Variants in KCNH7 observed in about 807,000 individuals in gnomAD.
KCNH7 encodes the protein voltage-gated inwardly rectifying potassium channel KCNH7.
KCNH7 carries 49 observed loss-of-function variants against 120.8 expected under a neutral mutation model. The observed-to-expected ratio is 0.41, with a 90% CI of 0.32 to 0.51. The LOEUF (loss-of-function observed/expected upper bound fraction) is 0.51, where lower values mean the gene tolerates loss of function less well. Ranked by LOEUF, KCNH7 falls within the 20% of genes least tolerant of loss-of-function variation. KCNH7 has a pLI of 0.38. For missense variants in KCNH7, 1,097 were observed against 1,446.6 expected (o/e 0.76, Z 3.92); for synonymous variants, 547 against 516.1 (o/e 1.06, Z -0.81).
intron 2 of KCNH7, among the ~76,000 whole-genome samples, chr2:162,594,591 T>A (rs1694314226): frequency 6.6e-6 from 1 of 152,012 alleles, no homozygotes; most frequent in South Asian, 2.1e-4. Flanking sequence ...ATCTGTTGGT[T>A]CCACATCCAT....
At chr2:162,501,536 C>A (rs973037977) in intron 6 of KCNH7, among the ~76,000 whole-genome samples, 8 of 152,046 alleles carry the variant, frequency 5.3e-5, no homozygotes, top group African/African-American at 1.9e-4. Flanking sequence ...AAATAAAATA[C>A]TCATCAACTG....
chr2:162,641,392 G>A (rs1324746692), intron 2 of KCNH7, among the ~76,000 whole-genome samples: 1 of 152,006 alleles, frequency 6.6e-6, no homozygotes, highest in Non-Finnish European at 1.5e-5. Flanking sequence ...ACTGAAAAAA[G>A]CCACTACTAA....
rs117455348 is a variant in KCNH7, at chr2:162,694,021, G to T, written c.307+142516C>A. On this transcript the variant is annotated intron_variant, in intron 2 of 15. Transcript: ENST00000332142. ...AGATTGATGAGATAGTGTTTTCAAA[G>T]TCCCTTAGAGAAAGGTATTATACCA... Among the ~76,000 whole-genome samples the T allele has an allele frequency of 8.9e-3, 1,356 of 152,176 alleles. 34 individuals carry two copies. The East Asian group carries it at 0.11, about 13-fold the overall frequency.
intron 2 of KCNH7, among the ~76,000 whole-genome samples, chr2:162,754,070 T>C (rs1688704827): frequency 6.6e-6 from 1 of 152,172 alleles, no homozygotes; most frequent in Non-Finnish European, 1.5e-5. Flanking sequence ...AGTTTATTTA[T>C]CAAATGATGA....
intron 7 of KCNH7, 118 bp from the exon 8 acceptor site, chr2:162,435,715 C>G (rs1688211445): frequency 7.3e-6 from 7 of 960,724 alleles, no homozygotes; most frequent in Non-Finnish European, 1.0e-5. Context: ...GGATAACTGC[C>G]TATTTAAATT....
At chr2:162,744,275 A>G (rs968471089) in intron 2 of KCNH7, among the ~76,000 whole-genome samples, 4 of 152,240 alleles carry the variant, frequency 2.6e-5, no homozygotes, top group African/African-American at 4.8e-5. Context: ...CTCATTGTCA[A>G]GGAGAACTTG....
At chr2:162,603,225 T>A (rs2105956287) in intron 2 of KCNH7, among the ~76,000 whole-genome samples, 1 of 152,094 alleles carries the variant, frequency 6.6e-6, no homozygotes, top group South Asian at 2.1e-4. Flanking sequence ...GTATGCCAGA[T>A]TATAATTAGA....
At chr2:162,702,397 TATATC>T (rs1283258444) in intron 2 of KCNH7, among the ~76,000 whole-genome samples, 1 of 152,160 alleles carries the variant, frequency 6.6e-6, no homozygotes, top group African/African-American at 2.4e-5. Flanking sequence ...AAATAAAAGA[TATATC>T]ATAAGGTAGA....
intron 2 of KCNH7, among the ~76,000 whole-genome samples, chr2:162,792,883 G>C (rs1450761984): frequency 6.6e-6 from 1 of 150,512 alleles, no homozygotes; most frequent in African/African-American, 2.4e-5. Context: ...TTTGCTCTTA[G>C]TTGTCTAGTT....
At chr2:162,409,777 T>C (rs1036569947) in intron 9 of KCNH7, among the ~76,000 whole-genome samples, 3 of 151,980 alleles carry the variant, frequency 2.0e-5, no homozygotes, top group African/African-American at 7.2e-5. Flanking sequence ...AGCATTTCTA[T>C]ACACCGATAA....
intron 2 of KCNH7, among the ~76,000 whole-genome samples, chr2:162,578,082 G>A (rs941539022): frequency 3.9e-5 from 6 of 151,916 alleles, no homozygotes; most frequent in East Asian, 1.9e-4. Context: ...CAAGGACTAT[G>A]GAGACAAGCC....
At chr2:162,633,235 ATAT>A (rs1489914094) in intron 2 of KCNH7, among the ~76,000 whole-genome samples, 1 of 151,902 alleles carries the variant, frequency 6.6e-6, no homozygotes, top group Non-Finnish European at 1.5e-5. Flanking sequence ...TGTAAGGTAT[ATAT>A]TATTTCAAAT....
intron 9 of KCNH7, among the ~76,000 whole-genome samples, chr2:162,402,252 C>T (rs1290769487): frequency 2.7e-5 from 4 of 150,772 alleles, no homozygotes; most frequent in Non-Finnish European, 5.9e-5. Context: ...ATCAACTCAG[C>T]TTTTCACATG....
intron 2 of KCNH7, among the ~76,000 whole-genome samples, chr2:162,777,575 T>C (rs1309847816): frequency 6.6e-6 from 1 of 152,156 alleles, no homozygotes; most frequent in Non-Finnish European, 1.5e-5. Context: ...GCATCTCCTA[T>C]ATAAGCCAAG....
chr2:162,532,381 A>T (rs560944668), intron 3 of KCNH7, among the ~76,000 whole-genome samples: 1 of 152,022 alleles, frequency 6.6e-6, no homozygotes, highest in South Asian at 2.1e-4. Context: ...GTTCCTGGAG[A>T]GACAATAGAA....
At chr2:162,486,330 T>C (rs972902775) in intron 6 of KCNH7, among the ~76,000 whole-genome samples, 4 of 152,104 alleles carry the variant, frequency 2.6e-5, no homozygotes, top group Non-Finnish European at 4.4e-5. Context: ...TTAACTACAG[T>C]CCCTCCCAGC....
chr2:162,390,075 T>C (rs1309594996), intron 12 of KCNH7, among the ~76,000 whole-genome samples: 2 of 151,934 alleles, frequency 1.3e-5, no homozygotes, highest in East Asian at 1.9e-4. Flanking sequence ...GCTGTCCTCA[T>C]TGGATTATTC....
intron 7 of KCNH7, among the ~76,000 whole-genome samples, chr2:162,445,499 G>A (rs181853459): frequency 8.5e-5 from 13 of 152,220 alleles, no homozygotes; most frequent in African/African-American, 7.2e-5. Context: ...TACACTTCTC[G>A]TATTTTCTTA....
intron 2 of KCNH7, among the ~76,000 whole-genome samples, chr2:162,727,065 G>T (rs1004287800): frequency 1.3e-5 from 2 of 152,100 alleles, no homozygotes; most frequent in Admixed American, 1.3e-4. Context: ...CATTCATACA[G>T]ATACTTTTTA....
Sources: allele counts gnomAD v4.1 joint callset (sites outside exome capture counted in the v4.1 genomes callset), GRCh38; gene constraint gnomAD v4.1.1; transcripts MANE v1.5; gene names NCBI Gene and HGNC (gene_info 2026-07-23, HGNC 2026-07-21).